The following ZPLD1 variants were observed in gnomAD, a reference collection of about 807,000 sequenced individuals.
ZPLD1 encodes zona pellucida like domain containing 1, also known as zona pellucida-like domain-containing protein 1.
Under a neutral mutation model 47.2 loss-of-function variants are expected in ZPLD1, and 34 were observed. That is an observed-to-expected ratio of 0.72 (90% CI 0.55 to 0.96). ZPLD1 has a LOEUF of 0.96. ZPLD1 is among the 40% of genes least tolerant of loss of function. The pLI is 0.00. For missense variants in ZPLD1, 512 were observed against 505.8 expected, an observed-to-expected ratio of 1.01 and a Z score of -0.12; for synonymous variants, 176 against 186.2, an observed-to-expected ratio of 0.95 and a Z score of 0.45.
intron 8 of ZPLD1, among the ~76,000 whole-genome samples, chr3:102,426,491 C>G (rs1036868606): frequency 5.3e-5 from 8 of 149,926 alleles, no homozygotes; most frequent in African/African-American, 2.0e-4. Flanking sequence ...GCACTCCAGC[C>G]TGGGCAACAA....
At chr3:102,402,812 T>A (rs1706636858) in intron 7 of ZPLD1, among the ~76,000 whole-genome samples, 1 of 151,998 alleles carries the variant, frequency 6.6e-6, no homozygotes, top group South Asian at 2.1e-4. Flanking sequence ...CATTGTTAAA[T>A]GTCAAAGATA....
intron 9 of ZPLD1, among the ~76,000 whole-genome samples, chr3:102,469,984 A>G (rs763206703): frequency 4.6e-5 from 7 of 152,132 alleles, no homozygotes; most frequent in Non-Finnish European, 8.8e-5. Flanking sequence ...ATTTCTTCAT[A>G]CTCATTGATC....
chr3:102,396,971 G>T (rs1400616659), intron 7 of ZPLD1, among the ~76,000 whole-genome samples: 3 of 152,088 alleles, frequency 2.0e-5, no homozygotes, highest in Non-Finnish European at 4.4e-5. Flanking sequence ...CTATGGCATA[G>T]GTTTGCAGTG....
At chr3:102,437,133 G>A (rs1182146300) in intron 2 of ZPLD1, among the ~76,000 whole-genome samples, 160 bp downstream of exon 2, 1 of 152,226 alleles carries the variant, frequency 6.6e-6, no homozygotes, top group African/African-American at 2.4e-5. Context: ...GTCTGGGTCA[G>A]CCACTGGTGT....
intron 10 of ZPLD1, among the ~76,000 whole-genome samples, chr3:102,476,213 G>T (rs1462716065): frequency 1.3e-5 from 2 of 151,976 alleles, no homozygotes; most frequent in Non-Finnish European, 2.9e-5. Flanking sequence ...TCAATTGCAC[G>T]CATTATATGG....
chr3:102,385,886 A>G (rs1706419343), intron 6 of ZPLD1, among the ~76,000 whole-genome samples: 1 of 152,252 alleles, frequency 6.6e-6, no homozygotes, highest in African/African-American at 2.4e-5. Flanking sequence ...AATAGCTACA[A>G]GCAAGACACC....
intron 6 of ZPLD1, among the ~76,000 whole-genome samples, chr3:102,459,149 T>C (rs993090148): frequency 8.3e-6 from 1 of 119,986 alleles, no homozygotes; most frequent in Non-Finnish European, 1.7e-5. Context: ...GGTTCTACAA[T>C]ACTCAGCAAG....
In ZPLD1 at chr3:102,401,114, G is replaced by A. The variant is rs185386658; in HGVS notation, c.-157+8889G>A. 2.0e-4 allele frequency among the ~76,000 whole-genome samples: 30 copies of A among 152,090 alleles called. No individual in the cohort carries two copies. In the East Asian group the frequency reaches 5.6e-3, roughly 29 times the overall value. ...CAAGGTGTAGCCCTGAAGGAAAAAA[G>A]CATCAAAAACTTGCCAGTGAGAGAA... On this transcript the variant is annotated intron_variant, in intron 7 of 17. Transcript: ENST00000491959.
chr3:102,410,851 G>C (rs1706741046), intron 7 of ZPLD1, among the ~76,000 whole-genome samples: 3 of 151,792 alleles, frequency 2.0e-5, no homozygotes. Context: ...AGAGAGGGTA[G>C]GGAGATGGGA....
In ZPLD1 at chr3:102,406,950, A is replaced by G. The variant is rs973895068; in HGVS notation, c.-156-11110A>G. On this transcript the variant is annotated intron_variant, in intron 7 of 17. Transcript: ENST00000491959. ...AAGTAAGAGCTCAATATCAACTTCA[A>G]CAAAATGAAAGTTATCATTTTTGAA... Among the ~76,000 whole-genome samples the G allele has an allele frequency of 3.3e-5, 5 of 152,020 alleles. No homozygotes were observed. In the South Asian group the frequency reaches 6.2e-4, roughly 19 times the overall value.
chr3:102,445,032 A>G (rs1252809462), intron 3 of ZPLD1, among the ~76,000 whole-genome samples: 1 of 152,142 alleles, frequency 6.6e-6, no homozygotes, highest in Non-Finnish European at 1.5e-5. Flanking sequence ...CTCCTTGACC[A>G]CAGTGCTACA....
At chr3:102,447,981 A>G (rs773863540) in intron 3 of ZPLD1, among the ~76,000 whole-genome samples, 1 of 152,310 alleles carries the variant, frequency 6.6e-6, no homozygotes, top group African/African-American at 2.4e-5. Context: ...GACACATTTT[A>G]TACACGGAGA....
intron 8 of ZPLD1, among the ~76,000 whole-genome samples, chr3:102,419,557 C>G (rs1434494004): frequency 5.3e-5 from 8 of 151,488 alleles, no homozygotes; most frequent in Non-Finnish European, 1.2e-4. Context: ...AGGGAAAATT[C>G]TACATTTCTT....
At chr3:102,410,815 G>A (rs1398372579) in intron 7 of ZPLD1, among the ~76,000 whole-genome samples, 3 of 151,808 alleles carry the variant, frequency 2.0e-5, no homozygotes, top group Non-Finnish European at 4.4e-5. Context: ...GTTCATGAAA[G>A]GCTTGCTACA....
intron 7 of ZPLD1, among the ~76,000 whole-genome samples, chr3:102,400,443 T>C (rs1706606978): frequency 6.6e-6 from 1 of 152,010 alleles, no homozygotes; most frequent in Admixed American, 6.6e-5. Context: ...GAGCTGTGTT[T>C]TTCCCTGGCT....
chr3:102,396,115 C>T (rs1039102113), intron 7 of ZPLD1, among the ~76,000 whole-genome samples: 15 of 152,090 alleles, frequency 9.9e-5, no homozygotes, highest in African/African-American at 3.6e-4. Context: ...CTCTTGAAAA[C>T]CTAGGAGAAG....
chr3:102,454,856 A>C (rs1432767061), intron 4 of ZPLD1, among the ~76,000 whole-genome samples: 1 of 152,190 alleles, frequency 6.6e-6, no homozygotes, highest in East Asian at 1.9e-4. Context: ...ACTTTGTCTC[A>C]CACACACACA....
chr3:102,403,050 A>G (rs989045159), intron 7 of ZPLD1, among the ~76,000 whole-genome samples: 3 of 151,924 alleles, frequency 2.0e-5, no homozygotes, highest in Non-Finnish European at 4.4e-5. Context: ...TCCCACCCCT[A>G]CTTTATTATT....
At chr3:102,419,083 T>A (rs920063127) in intron 8 of ZPLD1, among the ~76,000 whole-genome samples, 3 of 152,036 alleles carry the variant, frequency 2.0e-5, no homozygotes, top group Non-Finnish European at 4.4e-5. Flanking sequence ...ATTCTTATAA[T>A]TCACTTTAAG....
Sources: gnomAD v4.1 joint callset for allele counts (sites outside exome capture counted in the v4.1 genomes callset) on GRCh38, gnomAD v4.1.1 for gene constraint, MANE v1.5 for transcripts, NCBI Gene and HGNC (gene_info 2026-07-23, HGNC 2026-07-21) for gene names.